The following PSG2 variants were observed in gnomAD, a reference collection of about 807,000 sequenced individuals.
PSG2 encodes pregnancy-specific beta-1-glycoprotein 2.
PSG2 carries 49 observed loss-of-function variants against 36.2 expected under a neutral mutation model. That is an observed-to-expected ratio of 1.35 (90% CI 1.08 to 1.72). The LOEUF (loss-of-function observed/expected upper bound fraction) is 1.72. PSG2 is among the 40% of genes most tolerant of loss of function. PSG2 has a pLI of 0.00. For synonymous variants in PSG2, 261 were observed against 155.6 expected (o/e 1.68, Z -5.04); for missense variants, 605 against 407.2 (o/e 1.49, Z -4.18).
intron 5 of PSG2, 113 bp from the exon 6 acceptor site, chr19:43,064,714 T>C (rs1967716448): frequency 2.6e-6 from 1 of 377,694 alleles, no homozygotes. Context: ...AAAAATCTAA[T>C]GAGAATTTAT....
At position 43,069,701 on chromosome 19, in the gene PSG2, C is replaced by G. The variant is rs369175348; in HGVS notation, c.964+1999G>C. Among the ~76,000 whole-genome samples the G allele has an allele frequency of 1.8e-4, 28 of 151,520 alleles. 1 individual carries two copies. In the East Asian group the frequency reaches 2.9e-3, roughly 16 times the overall value. On this transcript the variant is annotated intron_variant, in intron 4 of 5. Transcript: ENST00000406487. ...CATAACACCATGTACAAAAATCAAC[C>G]CATAATAGATCAAAGATCTAAATGT...
chr19:43,072,288 G>C lies in PSG2; in HGVS notation c.710-334C>G, dbSNP rs568044041. ...TACTTGGACCGGAGAGAGACTGAGA[G>C]GCCTGGCCCCTGGTCATTTGGATTT... is the stretch of plus-strand genomic sequence containing the variant. On this transcript the variant is annotated intron_variant, in intron 3 of 5. Coordinates refer to ENST00000406487, the MANE Select transcript of PSG2 (RefSeq NM_031246.4). 68 of 1,596,706 alleles carry C rather than the reference G, an allele frequency of 4.3e-5. 1 individual carries two copies. The South Asian group carries it at 6.9e-4, about 16-fold the overall frequency.
intron 5 of PSG2, among the ~76,000 whole-genome samples, chr19:43,065,141 A>G (rs1967723214): frequency 6.6e-6 from 1 of 151,688 alleles, no homozygotes; most frequent in Non-Finnish European, 1.5e-5. Context: ...AGCCTAGAAT[A>G]CTCATATTAT....
rs200054104 is a variant in PSG2, at chr19:43,071,878, G to C, written c.786C>G (p.Phe262Leu). 37 of 1,612,882 alleles carry C rather than the reference G, an allele frequency of 2.3e-5. No homozygotes were observed. The highest frequency in any genetic ancestry group is 2.9e-5 in the Non-Finnish European group (34 of 1,179,518). Residue 262 changes from phenylalanine (F) to leucine (L), a missense_variant, in exon 4 of 6, where the codon TTC (phenylalanine) becomes TTG (leucine). Coordinates refer to ENST00000406487, the MANE Select transcript of PSG2 (RefSeq NM_031246.4). ...RSGDNLYLSC[F>L]ANSNPPAQYS... is the part of the protein sequence containing the mutation. ...ACTGTGCCGGTGGGTTAGAGTTCGC[G>C]AAGCAAGACAAGTAGAGGTTATCTC...
chr19:43,074,307 T>C (rs1311138751), intron 3 of PSG2, among the ~76,000 whole-genome samples: 2 of 151,826 alleles, frequency 1.3e-5, no homozygotes, highest in Admixed American at 6.6e-5. Context: ...TCTAACAATA[T>C]TGAGTCTTCC....
rs567433836 is a variant in PSG2, at chr19:43,080,777, T to C, written c.430+104A>G. On this transcript the variant is annotated intron_variant, in intron 2 of 5. Coordinates refer to ENST00000406487, the MANE Select transcript of PSG2 (RefSeq NM_031246.4). The stretch of plus-strand genomic sequence containing the variant: ...GCCCAAACCCCAGCATGGGACATAA[T>C]GCAGAGAGGGACACAGGCACAGTCT... The C allele has an allele frequency of 5.1e-5, 82 of 1,601,126 alleles. 2 individuals are homozygous for C. Among genetic ancestry groups the C allele is most frequent in the Non-Finnish European group, 6.6e-5 (77 of 1,169,352 alleles).
Position 43,072,104 on chromosome 19 carries a change from A to G in PSG2, c.710-150T>C, listed in dbSNP as rs867688774. ...CTATGTTCACTGAGCCGAACCCTGA[A>G]GTATTCACCTGTTTCTCCCACCACA... On this transcript the variant is annotated intron_variant, in intron 3 of 5. Transcript: ENST00000406487. The G allele has an allele frequency of 4.1e-5, 56 of 1,379,830 alleles. 1 individual carries two copies. The South Asian group carries it at 4.6e-4, about 11-fold the overall frequency. The allele number at this position is 1,379,830 out of a possible 1,614,324, so 85.5% of individuals were successfully genotyped here.
In PSG2 at chr19:43,064,551, A is replaced by G. The variant is rs1203237882; in HGVS notation, c.*91T>C. The G allele has an allele frequency of 4.4e-6, 3 of 677,994 alleles. No homozygotes were observed. The highest frequency in any genetic ancestry group is 2.4e-4 in the Middle Eastern group (1 of 4,172). The allele number at this position is 677,994 out of a possible 1,614,324, so 42.0% of individuals were successfully genotyped here. ...AGTCCAGTGGTATGATCTTGAAGTTATCAGGAGCTTGTATTCAAGAGTCCT... is the reference window on the plus strand; with the variant it reads ...AGTCCAGTGGTATGATCTTGAAGTTGTCAGGAGCTTGTATTCAAGAGTCCT... On this transcript the variant is annotated 3_prime_UTR_variant, in exon 6 of 6. Transcript: ENST00000406487.
At chr19:43,076,467 G>A (rs1250206271) in intron 2 of PSG2, among the ~76,000 whole-genome samples, 1 of 151,784 alleles carries the variant, frequency 6.6e-6, no homozygotes, top group Non-Finnish European at 1.5e-5. Flanking sequence ...CTGGTGGAAA[G>A]GGTGAACATG....
intron 5 of PSG2, chr19:43,065,878 A>G (rs1228998780): frequency 6.6e-6 from 1 of 151,880 alleles, no homozygotes; most frequent in East Asian, 1.9e-4. Context: ...CAGATGGTTG[A>G]AGGGATTTCA....
intron 4 of PSG2, among the ~76,000 whole-genome samples, chr19:43,067,545 A>C (rs1967756733): frequency 6.6e-6 from 1 of 151,284 alleles, no homozygotes; most frequent in Admixed American, 6.6e-5. Context: ...CATTTAATCC[A>C]CACAATAACC....
rs755376619 is a variant in PSG2, at chr19:43,082,606, G to A, written c.-37C>T. 8.7e-6 allele frequency: 14 copies of A among 1,607,038 alleles called. No homozygotes were observed. Among genetic ancestry groups the A allele is most frequent in the Middle Eastern group, 1.7e-4 (1 of 6,034 alleles). On this transcript the variant is annotated 5_prime_UTR_variant, in exon 1 of 6. Transcript: ENST00000406487. Reference sequence around the variant, plus strand: ...CCTGTGTGTTCTCCTCTGTGGAGATGAGCCTAGGATCCAGAAACTTCCTGA... The same window carrying A: ...CCTGTGTGTTCTCCTCTGTGGAGATAAGCCTAGGATCCAGAAACTTCCTGA...
chr19:43,075,320 C>G (rs561745173), intron 3 of PSG2, 34 bp downstream of exon 3: 9 of 1,613,088 alleles, frequency 5.6e-6, no homozygotes, highest in Non-Finnish European at 7.6e-6. Flanking sequence ...TTTGGGATGG[C>G]AGTCTGGCCC....
chr19:43,068,455 CAAA>C (rs558588522), intron 4 of PSG2, among the ~76,000 whole-genome samples: 1 of 81,780 alleles, frequency 1.2e-5, no homozygotes, highest in African/African-American at 3.7e-5. Flanking sequence ...CTCTTTTCAA[CAAA>C]AAAAAAAAAA....
rs1064946 is a variant in PSG2, at chr19:43,064,460, A to T, written c.*182T>A. The T allele has an allele frequency of 1.4e-5, 6 of 433,558 alleles. No homozygotes were observed. The East Asian group carries it at 1.8e-4, about 13-fold the overall frequency. 26.9% of individuals were successfully genotyped at this position (433,558 alleles called of 1,614,324 possible). A position where few individuals can be genotyped will look rare whatever the true frequency, so the allele number is the denominator to read the frequency against. ...ATTATTTAGTCCAATAACATTGAGT[A>T]TTTTTCTTCTTTGTCTTGAATTTCA... On this transcript the variant is annotated 3_prime_UTR_variant, in exon 6 of 6. Transcript: ENST00000406487.
At chr19:43,075,915 C>G (rs1358818140) in intron 2 of PSG2, among the ~76,000 whole-genome samples, 1 of 151,602 alleles carries the variant, frequency 6.6e-6, no homozygotes, top group Non-Finnish European at 1.5e-5. Flanking sequence ...GCCCCTGGTG[C>G]CTCTCTGAGT....
chr19:43,070,959 C>T (rs189131012), intron 4 of PSG2, among the ~76,000 whole-genome samples: 7 of 151,828 alleles, frequency 4.6e-5, no homozygotes, highest in Admixed American at 2.0e-4. Flanking sequence ...GCATCAGTCA[C>T]AGTCCTCCAT....
rs141884048 is a variant in PSG2 at position 43,080,902 on chromosome 19, A to G, written c.409T>C (p.Tyr137His). Residue 137 changes from tyrosine (Y) to histidine (H), a missense_variant, in exon 2 of 6, where the codon TAT (tyrosine) becomes CAT (histidine). Coordinates refer to ENST00000406487, the MANE Select transcript of PSG2 (RefSeq NM_031246.4). ...TTACGGTATAAGGTGAAGGTGAAATATCCAGTTACTCCTCTAGTCCCATCA... is the reference window on the plus strand; with the variant it reads ...TTACGGTATAAGGTGAAGGTGAAATGTCCAGTTACTCCTCTAGTCCCATCA... The part of the protein sequence containing the change: ...RGDGTRGVTG[Y>H]FTFTLYLETP... 1.8e-3 allele frequency: 2,836 copies of G among 1,612,418 alleles called. 142 individuals are homozygous for G. In the African/African-American group the frequency reaches 0.034, roughly 19 times the overall value.
chr19:43,078,958 C>T (rs1309305712), intron 2 of PSG2, among the ~76,000 whole-genome samples: 1 of 151,430 alleles, frequency 6.6e-6, no homozygotes, highest in Non-Finnish European at 1.5e-5. Context: ...GACCTGGGGA[C>T]ATTGGCTCGA....
Sources: allele counts gnomAD v4.1 joint callset (sites outside exome capture counted in the v4.1 genomes callset), GRCh38; gene constraint gnomAD v4.1.1; transcripts MANE v1.5; gene names NCBI Gene and HGNC (gene_info 2026-07-23, HGNC 2026-07-21).